Variants in ABI2 observed in about 807,000 individuals in gnomAD.
The protein encoded by ABI2 is abelson interactor 2.
In ABI2, 25 loss-of-function variants were observed where a neutral mutation model predicts 59.2. That is an observed-to-expected ratio of 0.42 (90% CI 0.31 to 0.59). The LOEUF (loss-of-function observed/expected upper bound fraction) is 0.59, where lower values mean the gene tolerates loss of function less well. Ranked by LOEUF, ABI2 falls within the 20% of genes least tolerant of loss-of-function variation. The pLI is 0.14. For synonymous variants in ABI2, 213 were observed against 235.5 expected, an observed-to-expected ratio of 0.90 and a Z score of 0.87; for missense variants, 545 against 681.8, an observed-to-expected ratio of 0.80 and a Z score of 2.23.
intron 11 of ABI2, among the ~76,000 whole-genome samples, chr2:203,419,257 CCA>C (rs1168984563): frequency 2.0e-5 from 3 of 151,528 alleles, no homozygotes; most frequent in African/African-American, 2.4e-5. Flanking sequence ...CTACCGGCGC[CCA>C]CCACCGCGCC....
intron 4 of ABI2, among the ~76,000 whole-genome samples, chr2:203,387,580 C>T (rs1234615737): frequency 6.6e-6 from 1 of 152,094 alleles, no homozygotes; most frequent in Non-Finnish European, 1.5e-5. Context: ...GGGGACTTTT[C>T]CAACTTTTCT....
intron 11 of ABI2, among the ~76,000 whole-genome samples, chr2:203,418,327 C>G (rs780129957): frequency 7.9e-5 from 12 of 152,372 alleles, no homozygotes; most frequent in Non-Finnish European, 1.3e-4. Flanking sequence ...CCCAGTTTCT[C>G]TGCGTGGCTC....
intron 10 of ABI2, among the ~76,000 whole-genome samples, chr2:203,413,585 C>T (rs1160355916): frequency 6.6e-6 from 1 of 152,094 alleles, no homozygotes; most frequent in Non-Finnish European, 1.5e-5. Context: ...ATACGTTTCT[C>T]ATTTACACAA....
Position 203,332,392 on chromosome 2 carries a change from C to T in ABI2, c.117+3761C>T, listed in dbSNP as rs13012348. ...CTGTAATCCCAGCACTTTGGGAGGCCGAGGCAGGCACATCACGAGATCAGG... is the reference window on the plus strand; with the variant it reads ...CTGTAATCCCAGCACTTTGGGAGGCTGAGGCAGGCACATCACGAGATCAGG... On this transcript the variant is annotated intron_variant, in intron 1 of 11. Coordinates refer to ENST00000261018, the MANE Select transcript of ABI2 (RefSeq NM_001375670.1). 1.1e-4 allele frequency among the ~76,000 whole-genome samples: 17 copies of T among 151,968 alleles called. No individual in the cohort carries two copies. In the East Asian group the frequency reaches 2.0e-3, roughly 18 times the overall value.
chr2:203,352,965 G>A (rs2089822790), intron 1 of ABI2, among the ~76,000 whole-genome samples: 1 of 152,200 alleles, frequency 6.6e-6, no homozygotes, highest in Non-Finnish European at 1.5e-5. Flanking sequence ...GTAACATACT[G>A]TACAGGTTTG....
chr2:203,424,520 AAGT>A, intron 11 of ABI2, among the ~76,000 whole-genome samples: 1 of 152,186 alleles, frequency 6.6e-6, no homozygotes, highest in Middle Eastern at 3.4e-3. Context: ...TCAGCCTCCC[AAGT>A]AGCTGGGACC....
At chr2:203,387,429 T>G (rs1174465841) in intron 4 of ABI2, among the ~76,000 whole-genome samples, 1 of 152,238 alleles carries the variant, frequency 6.6e-6, no homozygotes, top group Non-Finnish European at 1.5e-5. Context: ...ATAAAGGAAC[T>G]GCTTCTACCT....
chr2:203,361,687 A>G (rs1249847949), intron 1 of ABI2, among the ~76,000 whole-genome samples: 1 of 152,238 alleles, frequency 6.6e-6, no homozygotes, highest in Non-Finnish European at 1.5e-5. Context: ...GTTTTCAACC[A>G]GACAGTTCCT....
chr2:203,382,969 G>A (rs750156965), intron 4 of ABI2, among the ~76,000 whole-genome samples: 16 of 152,192 alleles, frequency 1.1e-4, no homozygotes, highest in South Asian at 4.1e-4. Context: ...TTTTGGTATC[G>A]TGGAGGATTC....
chr2:203,376,073 G>A, intron 2 of ABI2: 1 of 1,534,892 alleles, frequency 6.5e-7, no homozygotes, highest in Non-Finnish European at 8.7e-7. Flanking sequence ...TAGAGGCGTT[G>A]ATCTTGAGTC....
intron 2 of ABI2, among the ~76,000 whole-genome samples, chr2:203,379,957 T>C (rs559794930): frequency 6.6e-6 from 1 of 152,366 alleles, no homozygotes; most frequent in African/African-American, 2.4e-5. Flanking sequence ...CATTAAAAAA[T>C]GTAAACACCA....
At chr2:203,369,339 A>T (rs570378483) in intron 2 of ABI2, among the ~76,000 whole-genome samples, 18 of 152,316 alleles carry the variant, frequency 1.2e-4, no homozygotes, top group Admixed American at 2.0e-4. Flanking sequence ...AAGTTTTACT[A>T]GGCATTAGGG....
At chr2:203,426,785 TA>T (rs59683844) in intron 11 of ABI2, among the ~76,000 whole-genome samples, 104,152 of 131,802 alleles carry the variant, frequency 0.79, 42,424 homozygotes, top group Middle Eastern at 0.89. Context: ...AGAAAAGCTT[TA>T]AAAAAAAAAA....
chr2:203,375,944 TTCAAC>T (rs1559264771), intron 2 of ABI2: 1 of 752,082 alleles, frequency 1.3e-6, no homozygotes, highest in African/African-American at 1.8e-5. Flanking sequence ...AATACTGCAG[TTCAAC>T]CCCGTGTGGT....
At chr2:203,412,219 G>A (rs1190707339) in intron 10 of ABI2, among the ~76,000 whole-genome samples, 8 of 152,284 alleles carry the variant, frequency 5.3e-5, no homozygotes, top group African/African-American at 1.9e-4. Context: ...ATTTGGAAAT[G>A]GGCACTGCCA....
chr2:203,396,060 G>T (rs2096969424), intron 7 of ABI2, among the ~76,000 whole-genome samples: 1 of 152,140 alleles, frequency 6.6e-6, no homozygotes, highest in Non-Finnish European at 1.5e-5. Context: ...CTAGTGTTAT[G>T]ACAGTGCAGT....
intron 1 of ABI2, among the ~76,000 whole-genome samples, chr2:203,332,672 C>T (rs1265361624): frequency 1.3e-5 from 2 of 152,008 alleles, no homozygotes; most frequent in South Asian, 2.1e-4. Context: ...TTGAAGGTGT[C>T]CAGGAATTAA....
At chr2:203,405,597 G>C (rs569245760) in intron 9 of ABI2, among the ~76,000 whole-genome samples, 2 of 152,104 alleles carry the variant, frequency 1.3e-5, no homozygotes, top group African/African-American at 4.8e-5. Context: ...CAGTAGCCCT[G>C]CAATTGTCCC....
intron 2 of ABI2, among the ~76,000 whole-genome samples, chr2:203,379,342 G>T (rs1447966320): frequency 6.6e-6 from 1 of 152,086 alleles, no homozygotes; most frequent in African/African-American, 2.4e-5. Context: ...TGACCTCCTG[G>T]ACTCAAGCAG....
Sources: allele counts gnomAD v4.1 joint callset (sites outside exome capture counted in the v4.1 genomes callset), GRCh38; gene constraint gnomAD v4.1.1; transcripts MANE v1.5; gene names NCBI Gene and HGNC (gene_info 2026-07-23, HGNC 2026-07-21).